The following NRIP1 variants were observed in gnomAD, a reference collection of about 807,000 sequenced individuals.
NRIP1 encodes nuclear receptor interacting protein 1.
A neutral mutation model predicts 75.0 loss-of-function variants in NRIP1; 28 were observed. The ratio of observed to expected loss-of-function variants is 0.37; its 90% confidence interval spans 0.28 to 0.51. The LOEUF (loss-of-function observed/expected upper bound fraction) is 0.51. Ranked by LOEUF, NRIP1 falls within the 20% of genes least tolerant of loss-of-function variation. The pLI, the probability that NRIP1 is intolerant of heterozygous loss-of-function variation, is 0.92. For synonymous variants in NRIP1, 526 were observed against 487.6 expected (o/e 1.08, Z -1.04); for missense variants, 1,435 against 1,343.7 (o/e 1.07, Z -1.06).
intron 3 of NRIP1, chr21:14,992,473 C>T (rs1193644902): frequency 2.6e-5 from 4 of 152,018 alleles, no homozygotes; most frequent in Admixed American, 1.3e-4. Flanking sequence ...GTCCACATTC[C>T]GTTTACATAA....
chr21:15,024,568 G>GTGTC (rs2088468681), intron 2 of NRIP1, among the ~76,000 whole-genome samples: 1 of 55,526 alleles, frequency 1.8e-5, no homozygotes, highest in African/African-American at 3.0e-4. Context: ...GGTATCCAGA[G>GTGTC]TGTGTGTGTG....
rs2086725709 is a variant in NRIP1, at chr21:14,966,004, T to C, written c.2189A>G (p.Lys730Arg). The change falls in exon 4 of 4, where the codon AAA becomes AGA. Residue 730 changes from lysine (K) to arginine (R), a missense_variant. Coordinates refer to ENST00000318948, the MANE Select transcript of NRIP1 (RefSeq NM_003489.4). ...PNKGKSEKKE[K>R]TPLRDESTQE... is the part of the protein sequence containing the mutation. Reference sequence around the variant, plus strand: ...AGTACTTTCATCTCTTAAGGGAGTTTTCTCTTTTTTTTCACTCTTCCCTTT... The same window carrying C: ...AGTACTTTCATCTCTTAAGGGAGTTCTCTCTTTTTTTTCACTCTTCCCTTT... The C allele has an allele frequency of 1.2e-6, 2 of 1,611,672 alleles. No individual in the cohort carries two copies. The highest frequency in any genetic ancestry group is 1.7e-5 in the Admixed American group (1 of 59,398).
At chr21:15,024,413 TC>T (rs1568988104) in intron 2 of NRIP1, among the ~76,000 whole-genome samples, 2 of 151,534 alleles carry the variant, frequency 1.3e-5, no homozygotes, top group Non-Finnish European at 2.9e-5. Context: ...GTGGTGGCAG[TC>T]ACCTGTAATC....
chr21:15,021,986 G>A (rs1009553361), intron 2 of NRIP1, among the ~76,000 whole-genome samples: 11 of 152,258 alleles, frequency 7.2e-5, no homozygotes, highest in African/African-American at 2.6e-4. Context: ...AGCGTGGCAA[G>A]TCCTCAAAGA....
chr21:15,001,409 A>C (rs2087846279), intron 3 of NRIP1, among the ~76,000 whole-genome samples: 1 of 152,198 alleles, frequency 6.6e-6, no homozygotes, highest in South Asian at 2.1e-4. Context: ...ACCACATTTT[A>C]AGAATGCCTA....
At chr21:14,995,352 G>A (rs2087692365) in intron 3 of NRIP1, among the ~76,000 whole-genome samples, 1 of 152,196 alleles carries the variant, frequency 6.6e-6, no homozygotes, top group South Asian at 2.1e-4. Context: ...TTACAGGCTG[G>A]ACTGTATGAG....
At chr21:15,012,211 G>A (rs1463641190) in intron 3 of NRIP1, among the ~76,000 whole-genome samples, 2 of 152,196 alleles carry the variant, frequency 1.3e-5, no homozygotes, top group East Asian at 3.9e-4. Flanking sequence ...AAGGCATATT[G>A]AAAAGACATT....
chr21:14,993,217 A>G (rs112863253), intron 3 of NRIP1, among the ~76,000 whole-genome samples: 65 of 151,748 alleles, frequency 4.3e-4, no homozygotes, highest in African/African-American at 1.5e-3. Flanking sequence ...ACCAACTAAA[A>G]TCGAGACCAG....
chr21:15,034,994 G>A (rs1372701386), intron 2 of NRIP1, among the ~76,000 whole-genome samples: 1 of 151,978 alleles, frequency 6.6e-6, no homozygotes, highest in Non-Finnish European at 1.5e-5. Context: ...CATTTATTCT[G>A]CATAATATTC....
intron 2 of NRIP1, among the ~76,000 whole-genome samples, chr21:15,035,733 T>G (rs1012721331): frequency 2.0e-5 from 3 of 151,938 alleles, no homozygotes; most frequent in Non-Finnish European, 2.9e-5. Context: ...ATTTTTTGTA[T>G]TTTTAGTAGG....
rs557431200 is a variant in NRIP1 at position 15,012,124 on chromosome 21, A to G, written c.-335+2220T>C. On this transcript the variant is annotated intron_variant, in intron 3 of 3. Transcript: ENST00000318948. ...AAACCTCATAAAACATTAGTTTAGA[A>G]TCCTCAACTTGTCAAATACTCATCT... Among the ~76,000 whole-genome samples, 168 of 152,310 alleles carry G rather than the reference A, an allele frequency of 1.1e-3. 2 individuals carry two copies. The highest frequency in any genetic ancestry group is 3.9e-3 in the African/African-American group (164 of 41,568).
chr21:15,030,639 C>T (rs537345135), intron 2 of NRIP1, among the ~76,000 whole-genome samples: 10 of 152,284 alleles, frequency 6.6e-5, no homozygotes, highest in African/African-American at 2.2e-4. Flanking sequence ...TAAAATTATG[C>T]TCCCAATGAC....
At chr21:15,036,178 T>C (rs1263037536) in intron 2 of NRIP1, among the ~76,000 whole-genome samples, 1 of 152,182 alleles carries the variant, frequency 6.6e-6, no homozygotes, top group Non-Finnish European at 1.5e-5. Flanking sequence ...TGGAAAAAAA[T>C]GCTGAATATT....
intron 3 of NRIP1, among the ~76,000 whole-genome samples, chr21:14,995,786 T>C (rs2087705565): frequency 6.6e-6 from 1 of 152,122 alleles, no homozygotes; most frequent in Non-Finnish European, 1.5e-5. Flanking sequence ...TGTGTGTGTG[T>C]GTATTACTGT....
Position 14,966,356 on chromosome 21 carries a change from G to T in NRIP1, c.1837C>A (p.Pro613Thr). 2 of 1,614,020 alleles carry T rather than the reference G, an allele frequency of 1.2e-6. No homozygotes were observed. The highest frequency in any genetic ancestry group is 1.7e-6 in the Non-Finnish European group (2 of 1,179,966). ...TTCTGTGCACCTTCATTTTGGGCTG[G>T]TTTCTCTCCTGGTGGGTCTTTGCTT... ...TKSKDPPGEKPAQNEGAQNSA... is the reference protein window; with the variant it reads ...TKSKDPPGEKTAQNEGAQNSA... The change falls in exon 4 of 4, where the codon CCA becomes ACA. Residue 613 changes from proline (P) to threonine (T), a missense_variant. Physicochemically the swap from Pro to Thr is conservative, Grantham distance 38 (BLOSUM62 -1). Coordinates refer to ENST00000318948, the MANE Select transcript of NRIP1 (RefSeq NM_003489.4).
intron 2 of NRIP1, among the ~76,000 whole-genome samples, chr21:15,032,999 G>C (rs1431762673): frequency 6.6e-6 from 1 of 152,144 alleles, no homozygotes; most frequent in South Asian, 2.1e-4. Flanking sequence ...GCCGAGGTGG[G>C]TGGATCACGA....
intron 3 of NRIP1, among the ~76,000 whole-genome samples, chr21:14,974,583 T>C (rs1340292674): frequency 6.6e-6 from 1 of 152,160 alleles, no homozygotes; most frequent in Non-Finnish European, 1.5e-5. Context: ...ACGAACAGTG[T>C]CAAATAAATT....
chr21:15,049,832 CT>C (rs1300246484), intron 1 of NRIP1, among the ~76,000 whole-genome samples: 1 of 151,964 alleles, frequency 6.6e-6, no homozygotes, highest in East Asian at 1.9e-4. Flanking sequence ...AAGGGCAAAA[CT>C]TTTCTTACGT....
At chr21:15,010,806 C>G (rs2088083826) in intron 3 of NRIP1, among the ~76,000 whole-genome samples, 1 of 152,004 alleles carries the variant, frequency 6.6e-6, no homozygotes, top group Admixed American at 6.6e-5. Context: ...AGACTCTGAA[C>G]GAAGATGGCT....
Sources: allele counts gnomAD v4.1 joint callset (sites outside exome capture counted in the v4.1 genomes callset), GRCh38; gene constraint gnomAD v4.1.1; transcripts MANE v1.5; gene names NCBI Gene and HGNC (gene_info 2026-07-23, HGNC 2026-07-21).